DOCK8: variants seen among roughly 807,000 people sequenced by gnomAD.
The protein encoded by DOCK8 is dedicator of cytokinesis protein 8.
A neutral mutation model predicts 245.6 loss-of-function variants in DOCK8; 141 were observed. That is an observed-to-expected ratio of 0.57 (90% CI 0.50 to 0.66). The LOEUF (loss-of-function observed/expected upper bound fraction) is 0.66, where lower values mean the gene tolerates loss of function less well. Among genes scored for constraint, DOCK8 ranks in the 30% least tolerant of loss-of-function variants. The pLI, the probability that DOCK8 is intolerant of heterozygous loss-of-function variation, is 0.00. For missense variants in DOCK8, 2,965 were observed against 2,603.4 expected, an observed-to-expected ratio of 1.14 and a Z score of -3.02; for synonymous variants, 1,168 against 970.2, an observed-to-expected ratio of 1.20 and a Z score of -3.79.
intron 1 of DOCK8, among the ~76,000 whole-genome samples, chr9:243,892 A>G (rs2047439002): frequency 6.6e-6 from 1 of 152,136 alleles, no homozygotes. Context: ...CATGATTTTA[A>G]TGTCAGCTCT....
Position 377,208 on chromosome 9 carries a change from A to G in DOCK8, c.2437A>G (p.Thr813Ala). Residue 813 changes from threonine (T) to alanine (A), a missense_variant, in exon 20 of 48, where the codon ACA becomes GCA. Transcript: ENST00000432829. Reference sequence around the variant, plus strand: ...GCAGCCCATGGTCATCGCTGGCCAGACAGGTATGAACCTGCAGGGCTGGGC... The same window carrying G: ...GCAGCCCATGGTCATCGCTGGCCAGGCAGGTATGAACCTGCAGGGCTGGGC... ...SVQPMVIAGQ[T>A]ANFSQFAFES... The G allele has an allele frequency of 6.3e-7, 1 of 1,585,854 alleles. No individual in the cohort carries two copies. Among genetic ancestry groups the G allele is most frequent in the South Asian group, 1.1e-5 (1 of 88,980 alleles).
At chr9:214,622 G>A, upstream of DOCK8, 1 of 1,613,410 alleles carries the variant, frequency 6.2e-7, no homozygotes, top group Non-Finnish European at 8.5e-7. Context: ...CGGCCTGCGC[G>A]CAGTGGTCGC....
intron 24 of DOCK8, among the ~76,000 whole-genome samples, chr9:393,374 C>A (rs1162096842): frequency 6.6e-6 from 1 of 152,184 alleles, no homozygotes; most frequent in East Asian, 1.9e-4. Context: ...AACTACTGAG[C>A]ATCTTACTAT....
At chr9:429,889 A>C in intron 36 of DOCK8, 35 bp downstream of exon 36, 1 of 1,611,818 alleles carries the variant, frequency 6.2e-7, no homozygotes, top group Non-Finnish European at 8.5e-7. Context: ...ACCTGGAATC[A>C]GTAGAGAAAA....
chr9:437,895 C>G (rs1305642944), intron 39 of DOCK8, among the ~76,000 whole-genome samples: 1 of 152,212 alleles, frequency 6.6e-6, no homozygotes, highest in African/African-American at 2.4e-5. Context: ...TTTCCTCTGA[C>G]TACAGCTAAT....
chr9:230,251 G>C lies in DOCK8; in HGVS notation c.53+15222G>C, dbSNP rs375557090. On this transcript the variant is annotated intron_variant, in intron 1 of 47. Coordinates refer to ENST00000432829, the MANE Select transcript of DOCK8 (RefSeq NM_203447.4). ...ACACAAACTCATCATCTTTATGGCTGCATAGTATTCCACGGTGTATATGTG... is the reference window on the plus strand; with the variant it reads ...ACACAAACTCATCATCTTTATGGCTCCATAGTATTCCACGGTGTATATGTG... Among the ~76,000 whole-genome samples, 44 of 152,214 alleles carry C rather than the reference G, an allele frequency of 2.9e-4. No individual in the cohort carries two copies. The South Asian group carries it at 8.9e-3, about 31-fold the overall frequency.
At chr9:368,878 A>G (rs10972613) in intron 15 of DOCK8, 39,994 of 142,970 alleles carry the variant, frequency 0.28, 5,691 homozygotes, top group African/African-American at 0.33. Flanking sequence ...CTGGAGTACA[A>G]TGGCCGCAAC....
chr9:445,687 C>G (rs1407026195), intron 43 of DOCK8, among the ~76,000 whole-genome samples: 5 of 152,118 alleles, frequency 3.3e-5, no homozygotes, highest in African/African-American at 7.2e-5. Context: ...GTGTGACTAC[C>G]TCACCATTTG....
At chr9:319,419 C>G (rs7855369) in intron 7 of DOCK8, among the ~76,000 whole-genome samples, 2,581 of 152,236 alleles carry the variant, frequency 0.017, 72 homozygotes, top group African/African-American at 0.058. Context: ...TTGGCCTGCT[C>G]ATGTGTTTTA....
chr9:460,054 C>T (rs565653600), intron 46 of DOCK8: 1 of 152,330 alleles, frequency 6.6e-6, no homozygotes, highest in African/African-American at 2.4e-5. Flanking sequence ...CAATCTGCTA[C>T]ACTCCAGAAG....
At chr9:411,993 G>C (rs763509016) in intron 28 of DOCK8, among the ~76,000 whole-genome samples, 1 of 152,134 alleles carries the variant, frequency 6.6e-6, no homozygotes, top group Non-Finnish European at 1.5e-5. Context: ...ACACTTATTA[G>C]TGAAAAACAG....
At chr9:222,952 G>A (rs965755214) in intron 1 of DOCK8, among the ~76,000 whole-genome samples, 1 of 151,990 alleles carries the variant, frequency 6.6e-6, no homozygotes, top group African/African-American at 2.4e-5. Flanking sequence ...CCTTTCTATC[G>A]CAAAATAAGA....
chr9:436,709 C>A (rs2056916841), intron 39 of DOCK8, among the ~76,000 whole-genome samples: 1 of 152,198 alleles, frequency 6.6e-6, no homozygotes, highest in Non-Finnish European at 1.5e-5. Context: ...ATTATTCCGA[C>A]ATGGGGGCAT....
intron 5 of DOCK8, among the ~76,000 whole-genome samples, chr9:305,182 G>A (rs994063636): frequency 6.6e-6 from 1 of 152,104 alleles, no homozygotes; most frequent in East Asian, 1.9e-4. Flanking sequence ...GGTTATTTGA[G>A]TATTAAATGA....
At chr9:435,963 C>G (rs2056886155) in intron 39 of DOCK8, among the ~76,000 whole-genome samples, 2 of 152,182 alleles carry the variant, frequency 1.3e-5, no homozygotes, top group South Asian at 2.1e-4. Flanking sequence ...TTGTATTATT[C>G]TTGTTTGAAT....
intron 27 of DOCK8, among the ~76,000 whole-genome samples, chr9:406,216 G>A (rs1257551620): frequency 2.6e-5 from 4 of 152,128 alleles, no homozygotes; most frequent in Non-Finnish European, 5.9e-5. Flanking sequence ...AGCTGAGGCC[G>A]GGCACGGTGG....
rs2053279751 is a variant in DOCK8 at position 371,420 on chromosome 9, T to C, written c.1869-8T>C. ...AAGTTATTTGTGTATAATGTGCTTT[T>C]GAAACAGGTCTCCTGACTTTTATGA... On this transcript the variant is annotated splice_region_variant and splice_polypyrimidine_tract_variant and intron_variant, in intron 16 of 47. Coordinates refer to ENST00000432829, the MANE Select transcript of DOCK8 (RefSeq NM_203447.4). 1.9e-6 allele frequency: 3 copies of C among 1,614,082 alleles called. No homozygotes were observed.
At chr9:457,782 A>G (rs919216030) in intron 46 of DOCK8, among the ~76,000 whole-genome samples, 5 of 152,250 alleles carry the variant, frequency 3.3e-5, no homozygotes, top group Non-Finnish European at 7.3e-5. Context: ...TCTGTCAGGC[A>G]TAATAACGCT....
At chr9:448,080 G>A (rs1394461535) in intron 44 of DOCK8, among the ~76,000 whole-genome samples, 1 of 148,046 alleles carries the variant, frequency 6.8e-6, no homozygotes, top group Non-Finnish European at 1.5e-5. Context: ...CTTTTTTTCT[G>A]TGTCTCTGTC....
Sources: gnomAD v4.1 joint callset for allele counts (sites outside exome capture counted in the v4.1 genomes callset) on GRCh38, gnomAD v4.1.1 for gene constraint, MANE v1.5 for transcripts, NCBI Gene and HGNC (gene_info 2026-07-23, HGNC 2026-07-21) for gene names.